ENOX1: variants seen among roughly 807,000 people sequenced by gnomAD.
ENOX1 encodes candidate growth-related and time keeping constitutive hydroquinone (NADH) oxidase.
In ENOX1, 42 loss-of-function variants were observed where a neutral mutation model predicts 82.5. The observed-to-expected ratio is 0.51, with a 90% CI of 0.40 to 0.66. The LOEUF (loss-of-function observed/expected upper bound fraction) is 0.66. ENOX1 is among the 30% of genes least tolerant of loss of function. The pLI is 0.00. For synonymous variants in ENOX1, 271 were observed against 282.2 expected, an observed-to-expected ratio of 0.96 and a Z score of 0.40; for missense variants, 608 against 811.6, an observed-to-expected ratio of 0.75 and a Z score of 3.05.
chr13:43,434,282 T>G (rs959527538), intron 3 of ENOX1, among the ~76,000 whole-genome samples: 36 of 152,322 alleles, frequency 2.4e-4, no homozygotes, highest in African/African-American at 8.2e-4. Context: ...CATATGCTTT[T>G]TTTGAAAACA....
intron 3 of ENOX1, among the ~76,000 whole-genome samples, chr13:43,434,898 A>G (rs2055897802): frequency 7.1e-6 from 1 of 141,058 alleles, no homozygotes; most frequent in Admixed American, 7.1e-5. Context: ...TCACTGTTCT[A>G]CGTGTCCTTT....
chr13:43,341,437 C>T (rs561290480), intron 9 of ENOX1, among the ~76,000 whole-genome samples: 13 of 151,916 alleles, frequency 8.6e-5, no homozygotes, highest in Non-Finnish European at 1.5e-4. Context: ...GGAAAGGGCA[C>T]CCCAGGCAGA....
intron 5 of ENOX1, among the ~76,000 whole-genome samples, chr13:43,368,313 T>G (rs770569473): frequency 5.3e-5 from 8 of 152,236 alleles, no homozygotes; most frequent in Non-Finnish European, 1.2e-4. Context: ...TCAACAGCTA[T>G]TCTAAGTATT....
chr13:43,508,511 G>T (rs2077254546), intron 2 of ENOX1, among the ~76,000 whole-genome samples: 1 of 151,812 alleles, frequency 6.6e-6, no homozygotes, highest in African/African-American at 2.4e-5. Flanking sequence ...GGAATCATTT[G>T]GTACTGTATA....
intron 5 of ENOX1, among the ~76,000 whole-genome samples, chr13:43,406,832 C>A (rs1030334964): frequency 2.6e-5 from 4 of 152,028 alleles, no homozygotes; most frequent in Non-Finnish European, 5.9e-5. Flanking sequence ...TAAAATAGCA[C>A]AAATGGCATG....
intron 2 of ENOX1, among the ~76,000 whole-genome samples, chr13:43,490,665 T>C (rs1376090672): frequency 2.6e-5 from 4 of 152,222 alleles, no homozygotes; most frequent in African/African-American, 9.6e-5. Flanking sequence ...TTCTGCCATG[T>C]GAGGGCAAAG....
At chr13:43,533,509 A>C (rs1000548913) in intron 2 of ENOX1, among the ~76,000 whole-genome samples, 1 of 152,112 alleles carries the variant, frequency 6.6e-6, no homozygotes, top group African/African-American at 2.4e-5. Context: ...TTGTCACCCA[A>C]CTACCTTCCT....
At chr13:43,242,976 C>T (rs775034802) in intron 14 of ENOX1, among the ~76,000 whole-genome samples, 55 of 151,878 alleles carry the variant, frequency 3.6e-4, no homozygotes, top group Non-Finnish European at 6.3e-4. Flanking sequence ...TCTCTACTGA[C>T]CATACAAAAA....
At chr13:43,352,543 G>C (rs1015632112) in intron 8 of ENOX1, among the ~76,000 whole-genome samples, 4 of 152,166 alleles carry the variant, frequency 2.6e-5, no homozygotes, top group Admixed American at 2.6e-4. Flanking sequence ...TAATTATGGT[G>C]TTATTGAGCT....
At chr13:43,227,074 G>A (rs2042059614) in intron 15 of ENOX1, among the ~76,000 whole-genome samples, 1 of 152,162 alleles carries the variant, frequency 6.6e-6, no homozygotes, top group South Asian at 2.1e-4. Context: ...TAGGTGTATG[G>A]TTATCAACAT....
At chr13:43,720,711 C>T (rs576348780) in intron 1 of ENOX1, among the ~76,000 whole-genome samples, 1 of 152,298 alleles carries the variant, frequency 6.6e-6, no homozygotes, top group South Asian at 2.1e-4. Context: ...GGGGTATGCA[C>T]ATGTGTGTCC....
chr13:43,709,247 A>G (rs935496304), intron 1 of ENOX1, among the ~76,000 whole-genome samples: 1 of 152,148 alleles, frequency 6.6e-6, no homozygotes, highest in Admixed American at 6.5e-5. Flanking sequence ...ATGAGGTAAT[A>G]GGCCACAATA....
chr13:43,582,148 T>C (rs1044549500), intron 2 of ENOX1, among the ~76,000 whole-genome samples: 3 of 151,870 alleles, frequency 2.0e-5, no homozygotes, highest in African/African-American at 7.3e-5. Context: ...CTAACAAAAC[T>C]AGAAAAAATA....
chr13:43,754,059 C>CGTATATAAATACACAT (rs1950480393), intron 1 of ENOX1, among the ~76,000 whole-genome samples: 3 of 140,162 alleles, frequency 2.1e-5, no homozygotes, highest in African/African-American at 7.9e-5. Context: ...CATATATATA[C>CGTATATAAATACACAT]ATATATACGT....
rs1170642771 is a variant in ENOX1 at position 43,322,426 on chromosome 13, T to C, written c.1219A>G (p.Asn407Asp). ...ATTTTCTTTGTAGGGCTGTCACAGT[T>C]CTCATCATCAGACATTTCCATTTCT... Reference protein sequence around the residue: ...EEEMEMSDDENCDSPTKKMRV... With the variant: ...EEEMEMSDDEDCDSPTKKMRV... Residue 407 changes from asparagine to aspartate, a missense_variant, in exon 11 of 17, where the codon AAC (asparagine) becomes GAC (aspartate). Coordinates refer to ENST00000690772, the MANE Select transcript of ENOX1 (RefSeq NM_001347969.2). The C allele has an allele frequency of 3.1e-6, 5 of 1,614,138 alleles. No individual in the cohort carries two copies. The highest frequency in any genetic ancestry group is 8.5e-7 in the Non-Finnish European group (1 of 1,179,980).
At chr13:43,452,214 T>G (rs1206561114) in intron 3 of ENOX1, among the ~76,000 whole-genome samples, 1 of 152,180 alleles carries the variant, frequency 6.6e-6, no homozygotes, top group Non-Finnish European at 1.5e-5. Flanking sequence ...GGTGGTTTGC[T>G]GCATCCATCA....
intron 3 of ENOX1, among the ~76,000 whole-genome samples, chr13:43,453,304 C>G (rs78374108): frequency 1.3e-5 from 2 of 152,140 alleles, no homozygotes; most frequent in Admixed American, 6.5e-5. Flanking sequence ...GAAGTACTAG[C>G]AAACTTTTAG....
chr13:43,301,001 T>G (rs909555731), intron 11 of ENOX1, among the ~76,000 whole-genome samples: 1 of 152,220 alleles, frequency 6.6e-6, no homozygotes, highest in African/African-American at 2.4e-5. Flanking sequence ...CAGCTCCGTT[T>G]ACCAAGCCAT....
At chr13:43,322,596 G>T in intron 10 of ENOX1, 95 bp from the exon 11 acceptor site, 1 of 1,013,684 alleles carries the variant, frequency 9.9e-7, no homozygotes. Context: ...TTAACATTCA[G>T]AATCCAAAGC....
Sources: gnomAD v4.1 joint callset for allele counts (sites outside exome capture counted in the v4.1 genomes callset) on GRCh38, gnomAD v4.1.1 for gene constraint, MANE v1.5 for transcripts, NCBI Gene and HGNC (gene_info 2026-07-23, HGNC 2026-07-21) for gene names.